CCDC88B: variants seen among roughly 807,000 people sequenced by gnomAD.
CCDC88B encodes the protein coiled-coil domain-containing protein 88B.
In CCDC88B, 138 loss-of-function variants were observed where a neutral mutation model predicts 183.7. The observed-to-expected ratio is 0.75, with a 90% CI of 0.65 to 0.87. The LOEUF is 0.87. CCDC88B is among the 40% of genes least tolerant of loss of function. The pLI is 0.00. For missense variants in CCDC88B, 1,822 were observed against 1,965.6 expected (o/e 0.93, Z 1.38); for synonymous variants, 835 against 867.5 (o/e 0.96, Z 0.66).
At chr11:64,351,015 T>A (rs747473614) in intron 16 of CCDC88B, 145 bp from the exon 17 acceptor site, 8 of 541,644 alleles carry the variant, frequency 1.5e-5, no homozygotes, top group Non-Finnish European at 2.6e-5. Context: ...CAGGGACTTG[T>A]GGGATCCAAG....
In CCDC88B at chr11:64,353,154, G is replaced by T. The variant is rs759221255; in HGVS notation, c.3601G>T (p.Ala1201Ser). The T allele has an allele frequency of 1.3e-6, 2 of 1,591,474 alleles. No individual in the cohort carries two copies. The highest frequency in any genetic ancestry group is 2.3e-5 in the South Asian group (2 of 88,198). Reference protein sequence around the residue: ...GRLARLELERAQLEMQSQQLR... With the variant: ...GRLARLELERSQLEMQSQQLR... ...GCTGGCGCGGCTGGAGCTGGAGCGG[G>T]CACAGCTGGAGATGCAGAGCCAGCA... Residue 1201 changes from alanine (A) to serine (S), a missense_variant, in exon 21 of 27, where the codon GCA (alanine) becomes TCA (serine). Coordinates refer to ENST00000356786, the MANE Select transcript of CCDC88B (RefSeq NM_032251.6).
In CCDC88B at chr11:64,341,988, C is replaced by T; in HGVS notation, c.676-6C>T. The T allele has an allele frequency of 6.2e-7, 1 of 1,612,912 alleles. No individual in the cohort carries two copies. The highest frequency in any genetic ancestry group is 8.5e-7 in the Non-Finnish European group (1 of 1,179,690). On this transcript the variant is annotated splice_polypyrimidine_tract_variant and splice_region_variant and intron_variant, in intron 7 of 26. Transcript: ENST00000356786. ...TTAGTCCTGACCCTTGACCCCTGAC[C>T]TACAGCGGCTGGCTGAACTGCTGCT...
chr11:64,354,287 C>A, intron 24 of CCDC88B, 117 bp downstream of exon 24: 1 of 798,882 alleles, frequency 1.3e-6, no homozygotes, highest in Non-Finnish European at 1.7e-6. Flanking sequence ...TTCCCTGAGG[C>A]CTGCCCCCCC....
chr11:64,342,524 C>G lies in CCDC88B; in HGVS notation c.906C>G (p.Ala302=). ...CAGCTCCACACCGTCTGGCCCAGGC[C>G]CAGGCGCTGTCGGGACAGGCCAAGC... ...EAEIRRLRQE[A]QALSGQAKRA... is the part of the protein sequence containing the mutation. The change falls in exon 10 of 27, where the codon GCC becomes GCG. Residue 302 remains alanine (A), a splice_region_variant and synonymous_variant. Coordinates refer to ENST00000356786, the MANE Select transcript of CCDC88B (RefSeq NM_032251.6). The G allele has an allele frequency of 6.5e-7, 1 of 1,528,540 alleles. No homozygotes were observed. Among genetic ancestry groups the G allele is most frequent in the Non-Finnish European group, 8.8e-7 (1 of 1,142,602 alleles). The allele number at this position is 1,528,540 out of a possible 1,614,324, so 94.7% of individuals were successfully genotyped here. A position where few individuals can be genotyped will look rare whatever the true frequency, so the allele number is the denominator to read the frequency against.
intron 14 of CCDC88B, among the ~76,000 whole-genome samples, chr11:64,346,687 G>A (rs1300116833): frequency 1.3e-5 from 2 of 151,928 alleles, no homozygotes. Context: ...TGATCCACCC[G>A]CCTTGGCCTC....
In CCDC88B at chr11:64,352,226, G is replaced by A; in HGVS notation, c.3196G>A (p.Glu1066Lys). The change falls in exon 19 of 27, where the codon GAG becomes AAG. Residue 1066 changes from glutamate (E) to lysine (K), a missense_variant. Physicochemically the swap from Glu to Lys is moderately conservative, Grantham distance 56 (BLOSUM62 1). Transcript: ENST00000356786. ...GCGGGCGGCACGGCAGTCCCAGGAGGAGACCCGCGGGCAGCAGCAGGCCCT... is the reference window on the plus strand; with the variant it reads ...GCGGGCGGCACGGCAGTCCCAGGAGAAGACCCGCGGGCAGCAGCAGGCCCT... ...EVRAARQSQE[E>K]TRGQQQALLR... The A allele has an allele frequency of 6.2e-7, 1 of 1,609,792 alleles. No individual in the cohort carries two copies. Among genetic ancestry groups the A allele is most frequent in the African/African-American group, 1.3e-5 (1 of 74,920 alleles).
chr11:64,342,282 C>T lies in CCDC88B; in HGVS notation c.822-12C>T, dbSNP rs1342734687. On this transcript the variant is annotated splice_polypyrimidine_tract_variant and intron_variant, in intron 8 of 26. Coordinates refer to ENST00000356786, the MANE Select transcript of CCDC88B (RefSeq NM_032251.6). ...GGCCCCCAGACCCTCCCTAGACTCCCCTTCCCTCCAGGGAGGAGAAGGCCG... is the reference window on the plus strand; with the variant it reads ...GGCCCCCAGACCCTCCCTAGACTCCTCTTCCCTCCAGGGAGGAGAAGGCCG... 5.6e-5 allele frequency: 89 copies of T among 1,579,488 alleles called. No homozygotes were observed. Among genetic ancestry groups the T allele is most frequent in the Non-Finnish European group, 7.6e-5 (89 of 1,163,492 alleles).
chr11:64,351,417 G>C, intron 17 of CCDC88B, 59 bp from the exon 18 acceptor site: 2 of 1,547,668 alleles, frequency 1.3e-6, no homozygotes, highest in Non-Finnish European at 1.7e-6. Context: ...GTGGGCCTGT[G>C]GTAGGCACTA....
chr11:64,350,839 C>T (rs1312958552), intron 16 of CCDC88B: 2 of 212,192 alleles, frequency 9.4e-6, no homozygotes, highest in Non-Finnish European at 1.9e-5. Context: ...CTCTGCACTC[C>T]TGGCTGGGTG....
At chr11:64,348,519 G>A (rs921264671) in intron 14 of CCDC88B, among the ~76,000 whole-genome samples, 16 of 152,212 alleles carry the variant, frequency 1.1e-4, no homozygotes, top group Non-Finnish European at 1.5e-4. Flanking sequence ...TGCCTCATCG[G>A]ACTTGTAGTT....
In CCDC88B at chr11:64,353,734, C is replaced by A. The variant is rs368905853; in HGVS notation, c.3853C>A (p.Arg1285Ser). The A allele has an allele frequency of 1.2e-6, 2 of 1,614,068 alleles. No individual in the cohort carries two copies. The highest frequency in any genetic ancestry group is 1.7e-6 in the Non-Finnish European group (2 of 1,179,980). The change falls in exon 23 of 27, where the codon CGC (arginine) becomes AGC (serine). Residue 1285 changes from arginine to serine, a missense_variant. Transcript: ENST00000356786. ...TGCCAGGGACCAGCTTAATGCCCTGCGCCGCGAGAAGCAGAAGCTCGTGGA... is the reference window on the plus strand; with the variant it reads ...TGCCAGGGACCAGCTTAATGCCCTGAGCCGCGAGAAGCAGAAGCTCGTGGA... The part of the protein sequence containing the change: ...REYLDQLNAL[R>S]REKQKLVEKI...
At chr11:64,351,438 C>A in intron 17 of CCDC88B, 38 bp from the exon 18 acceptor site, 2 of 1,562,592 alleles carry the variant, frequency 1.3e-6, no homozygotes, top group East Asian at 2.4e-5. Flanking sequence ...GGGGGTGCCC[C>A]CGCCACCTGG....
At chr11:64,355,771 G>A (rs1458595555) in intron 26 of CCDC88B, 143 bp downstream of exon 26, 7 of 720,064 alleles carry the variant, frequency 9.7e-6, no homozygotes, top group South Asian at 2.1e-5. Flanking sequence ...AGCAGGGAAC[G>A]TTCTGGTGTG....
rs755850995 is a variant in CCDC88B, at chr11:64,340,737, G to C, written c.191G>C (p.Arg64Pro). 1.9e-6 allele frequency: 3 copies of C among 1,611,074 alleles called. No homozygotes were observed. Among genetic ancestry groups the C allele is most frequent in the Non-Finnish European group, 2.5e-6 (3 of 1,179,038 alleles). Residue 64 changes from arginine to proline, a missense_variant, in exon 2 of 27, where the codon CGG becomes CCG. By Grantham distance (103) the Arg-to-Pro change is moderately radical. Coordinates refer to ENST00000356786, the MANE Select transcript of CCDC88B (RefSeq NM_032251.6). The stretch of plus-strand genomic sequence containing the variant: ...CTCAGCGATGGGGCCCTGCTCCTCC[G>C]GGTGCTGGGCATCATGTAAGGGGCA... ...LRLSDGALLL[R>P]VLGIIAPSSR...
chr11:64,352,421 CA>C, intron 19 of CCDC88B, 35 bp downstream of exon 19: 1 of 1,499,466 alleles, frequency 6.7e-7, no homozygotes, highest in African/African-American at 1.4e-5. Flanking sequence ...CCTCCCCTGG[CA>C]CCCCCTATCT....
At position 64,352,734 on chromosome 11, in the gene CCDC88B, T is replaced by A. The variant is rs756864973; in HGVS notation, c.3357-10T>A. The A allele has an allele frequency of 4.7e-5, 76 of 1,613,270 alleles. No homozygotes were observed. The highest frequency in any genetic ancestry group is 1.6e-4 in the Middle Eastern group (1 of 6,080). The stretch of plus-strand genomic sequence containing the variant: ...TTCACACAGCCCTCTTAGCCCCTTG[T>A]CCATCCCAGGCACGAGCAGCTGCAG... On this transcript the variant is annotated splice_polypyrimidine_tract_variant and intron_variant, in intron 19 of 26. Transcript: ENST00000356786.
rs1290817733 is a variant in CCDC88B, at chr11:64,355,246, G to A, written c.4152G>A (p.Arg1384=). The A allele has an allele frequency of 1.3e-6, 2 of 1,549,700 alleles. No homozygotes were observed. The highest frequency in any genetic ancestry group is 2.3e-5 in the East Asian group (1 of 43,678). The change falls in exon 25 of 27, where the codon CGG becomes CGA. Residue 1384 remains arginine, a synonymous_variant. Coordinates refer to ENST00000356786, the MANE Select transcript of CCDC88B (RefSeq NM_032251.6). ...GGGCCCAGAGCTCCCTCTGCCTGCG[G>A]GATGAGACCTTGGCAGGCGGGCAGC... is the stretch of plus-strand genomic sequence containing the variant. ...MRRAQSSLCL[R]DETLAGGQRR...
Position 64,340,290 on chromosome 11 carries a change from G to A in CCDC88B, c.24G>A (p.Arg8=). The A allele has an allele frequency of 7.8e-7, 1 of 1,281,500 alleles. No individual in the cohort carries two copies. Among genetic ancestry groups the A allele is most frequent in the Non-Finnish European group, 9.9e-7 (1 of 1,005,596 alleles). The allele number at this position is 1,281,500 out of a possible 1,614,324, so 79.4% of individuals were successfully genotyped here. A position where few individuals can be genotyped will look rare whatever the true frequency, so the allele number is the denominator to read the frequency against. The part of the protein sequence containing the change: MEGGKGP[R]LRDFLSGSLA... ...GCATGGAGGGGGGCAAGGGGCCCAG[G>A]CTCAGAGACTTCCTGAGTGGGAGTC... The change falls in exon 1 of 27, where the codon AGG becomes AGA. Residue 8 remains arginine, a synonymous_variant. Transcript: ENST00000356786.
At chr11:64,345,363 G>A (rs572906152) in intron 14 of CCDC88B, among the ~76,000 whole-genome samples, 4 of 152,168 alleles carry the variant, frequency 2.6e-5, no homozygotes, top group Non-Finnish European at 5.9e-5. Flanking sequence ...GGCGCTGTGG[G>A]AGGGGGTGGG....
Sources: gnomAD v4.1 joint callset for allele counts (sites outside exome capture counted in the v4.1 genomes callset) on GRCh38, gnomAD v4.1.1 for gene constraint, MANE v1.5 for transcripts, NCBI Gene and HGNC (gene_info 2026-07-23, HGNC 2026-07-21) for gene names.